FAM20A: variants seen among roughly 807,000 people sequenced by gnomAD.
FAM20A encodes pseudokinase FAM20A.
A neutral mutation model predicts 52.0 loss-of-function variants in FAM20A; 42 were observed. The observed-to-expected ratio is 0.81, with a 90% CI of 0.63 to 1.04. The LOEUF (loss-of-function observed/expected upper bound fraction) is 1.04. FAM20A is among the 50% of genes least tolerant of loss of function. The pLI is 0.00. For synonymous variants in FAM20A, 304 were observed against 298.9 expected (o/e 1.02, Z -0.18); for missense variants, 742 against 712.7 (o/e 1.04, Z -0.47).
At chr17:68,597,523 T>C (rs2088487174) in intron 1 of FAM20A, among the ~76,000 whole-genome samples, 1 of 152,156 alleles carries the variant, frequency 6.6e-6, no homozygotes, top group African/African-American at 2.4e-5. Flanking sequence ...TAGCTGGGAT[T>C]ACAGGTGCCC....
intron 1 of FAM20A, among the ~76,000 whole-genome samples, chr17:68,569,193 G>C (rs770884416): frequency 6.6e-6 from 1 of 152,088 alleles, no homozygotes; most frequent in Non-Finnish European, 1.5e-5. Flanking sequence ...AGTTATCCTG[G>C]AGTCAGAATT....
At chr17:68,563,259 G>A (rs539266280) in intron 1 of FAM20A, among the ~76,000 whole-genome samples, 246 of 151,904 alleles carry the variant, frequency 1.6e-3, no homozygotes, top group Non-Finnish European at 1.9e-3. Context: ...GGTGGCAGGC[G>A]CCTGTAATCC....
intron 1 of FAM20A, among the ~76,000 whole-genome samples, chr17:68,570,371 G>A (rs1040135629): frequency 2.0e-5 from 3 of 152,176 alleles, no homozygotes; most frequent in African/African-American, 7.2e-5. Context: ...ACTACACCTG[G>A]CCAACAGATG....
chr17:68,561,374 C>T (rs2087207320), intron 1 of FAM20A, among the ~76,000 whole-genome samples: 2 of 152,158 alleles, frequency 1.3e-5, no homozygotes, highest in African/African-American at 4.8e-5. Flanking sequence ...CTAGCTAGTT[C>T]TTTAACAATC....
chr17:68,571,531 T>A (rs1274258118), intron 1 of FAM20A, among the ~76,000 whole-genome samples: 1 of 152,214 alleles, frequency 6.6e-6, no homozygotes, highest in Non-Finnish European at 1.5e-5. Flanking sequence ...AAGAGCACTC[T>A]GTCACACAGA....
chr17:68,550,982 G>A, intron 4 of FAM20A: 1 of 1,046,106 alleles, frequency 9.6e-7, no homozygotes, highest in Non-Finnish European at 1.2e-6. Context: ...TGAAGGTTTG[G>A]AATCTGCCAG....
chr17:68,578,869 ACTGG>A (rs2087854664), intron 1 of FAM20A, among the ~76,000 whole-genome samples: 1 of 120,058 alleles, frequency 8.3e-6, no homozygotes, highest in African/African-American at 3.2e-5. Context: ...AAAAAAAATT[ACTGG>A]GCGTGGTGGC....
chr17:68,557,827 A>T (rs1394652488), intron 1 of FAM20A, among the ~76,000 whole-genome samples: 2 of 152,176 alleles, frequency 1.3e-5, no homozygotes, highest in Non-Finnish European at 2.9e-5. Context: ...ATCTTTGGGA[A>T]ATCATGTCAC....
chr17:68,600,780 C>T lies in FAM20A; in HGVS notation c.-114G>A. The T allele has an allele frequency of 8.2e-7, 1 of 1,214,946 alleles. No homozygotes were observed. The highest frequency in any genetic ancestry group is 2.5e-5 in the Admixed American group (1 of 39,790). The allele number at this position is 1,214,946 out of a possible 1,614,324, so 75.3% of individuals were successfully genotyped here. On this transcript the variant is annotated 5_prime_UTR_variant, in exon 1 of 11. Coordinates refer to ENST00000592554, the MANE Select transcript of FAM20A (RefSeq NM_017565.4). This position sits in a 1 kb window ranked among gnomAD's most constrained non-coding sequence, Gnocchi z 6.2. The stretch of plus-strand genomic sequence containing the variant: ...TGGAGTCCCGCGGGTGGGCCGGGGT[C>T]AGTGAGACCGGAATGCTCCCCGCGC...
chr17:68,553,704 A>C (rs1159475426), intron 3 of FAM20A, among the ~76,000 whole-genome samples: 1 of 151,914 alleles, frequency 6.6e-6, no homozygotes, highest in African/African-American at 2.4e-5. Context: ...AGGCAGGAGC[A>C]CTTTTTAAAG....
In FAM20A at chr17:68,600,452, G is replaced by A; in HGVS notation, c.215C>T (p.Ser72Phe). The part of the protein sequence containing the change: ...SDPGTIVHNF[S>F]RTEPRTEPAG... ...CGGTTCAGTCCGGGGCTCGGTTCGG[G>A]AAAAGTTGTGCACGATCGTGCCGGG... The change falls in exon 1 of 11, where the codon TCC becomes TTC. Residue 72 changes from serine (S) to phenylalanine (F), a missense_variant. Transcript: ENST00000592554. This position sits in a 1 kb window ranked among gnomAD's most constrained non-coding sequence, Gnocchi z 6.2. The A allele has an allele frequency of 1.2e-6, 2 of 1,610,884 alleles. No homozygotes were observed. The highest frequency in any genetic ancestry group is 1.3e-5 in the African/African-American group (1 of 74,970).
chr17:68,570,801 T>C (rs2087515248), intron 1 of FAM20A, among the ~76,000 whole-genome samples: 1 of 152,204 alleles, frequency 6.6e-6, no homozygotes, highest in Admixed American at 6.5e-5. Flanking sequence ...TGCCACAGAA[T>C]TTATATTTTG....
chr17:68,561,775 G>A (rs751453487), intron 1 of FAM20A, among the ~76,000 whole-genome samples: 12 of 151,942 alleles, frequency 7.9e-5, no homozygotes, highest in Admixed American at 2.6e-4. Context: ...TTGGCACATC[G>A]TTCTAGAGGG....
intron 7 of FAM20A, 52 bp from the exon 8 acceptor site, chr17:68,541,010 C>CG: frequency 6.5e-7 from 1 of 1,549,668 alleles, no homozygotes; most frequent in Non-Finnish European, 8.7e-7. Flanking sequence ...GGCAGGGTGT[C>CG]GGGGGTCTCC....
intron 1 of FAM20A, among the ~76,000 whole-genome samples, chr17:68,588,047 C>G (rs930142863): frequency 3.3e-5 from 5 of 151,866 alleles, no homozygotes; most frequent in African/African-American, 1.2e-4. Context: ...CCAACCACAG[C>G]ATCTGCAGCC....
At position 68,535,599 on chromosome 17, in the gene FAM20A, G is replaced by GT; in HGVS notation, c.*1877dup. 2.2e-6 allele frequency: 1 copy of GT among 454,054 alleles called. No homozygotes were observed. Among genetic ancestry groups the GT allele is most frequent in the Non-Finnish European group, 4.4e-6 (1 of 226,778 alleles). 28.1% of individuals were successfully genotyped at this position (454,054 alleles called of 1,614,324 possible). On this transcript the variant is annotated 3_prime_UTR_variant, in exon 11 of 11. Coordinates refer to ENST00000592554, the MANE Select transcript of FAM20A (RefSeq NM_017565.4). ...ATGAAGTGGGGAGCCCTATGCTGCA[G>GT]TAGGGCCACAACAGTTAAGGAAATC...
chr17:68,587,513 TC>T (rs2088194686), intron 1 of FAM20A, among the ~76,000 whole-genome samples: 1 of 152,096 alleles, frequency 6.6e-6, no homozygotes. Flanking sequence ...AGTGGAGAGC[TC>T]TCCAAGAGGT....
Position 68,535,739 on chromosome 17 carries a change from T to C in FAM20A, c.*1738A>G, listed in dbSNP as rs1217136141. 2.2e-6 allele frequency: 1 copy of C among 452,670 alleles called. No individual in the cohort carries two copies. The highest frequency in any genetic ancestry group is 2.0e-5 in the African/African-American group (1 of 49,896). 28.0% of individuals were successfully genotyped at this position (452,670 alleles called of 1,614,324 possible). A position where few individuals can be genotyped will look rare whatever the true frequency, so the allele number is the denominator to read the frequency against. On this transcript the variant is annotated 3_prime_UTR_variant, in exon 11 of 11. Coordinates refer to ENST00000592554, the MANE Select transcript of FAM20A (RefSeq NM_017565.4). ...GTTACCCAGGCTGGTCTCGAGCTCC[T>C]GAGACCAAGCGATCTGCCTGTTTAG... is the stretch of plus-strand genomic sequence containing the variant.
At chr17:68,590,259 G>A (rs1046928826) in intron 1 of FAM20A, 2 of 152,146 alleles carry the variant, frequency 1.3e-5, no homozygotes, top group Non-Finnish European at 2.9e-5. Flanking sequence ...GAAGAAATTC[G>A]GAAGATGTGC....
Sources: allele counts gnomAD v4.1 joint callset (sites outside exome capture counted in the v4.1 genomes callset), GRCh38; gene constraint gnomAD v4.1.1; non-coding constraint Gnocchi (gnomAD v3.1); transcripts MANE v1.5; gene names NCBI Gene and HGNC (gene_info 2026-07-23, HGNC 2026-07-21).